SCLT1: variants seen among roughly 807,000 people sequenced by gnomAD.
The protein encoded by SCLT1 is sodium channel-associated protein 1.
A neutral mutation model predicts 112.8 loss-of-function variants in SCLT1; 78 were observed. The observed-to-expected ratio is 0.69, with a 90% CI of 0.58 to 0.83. The LOEUF (loss-of-function observed/expected upper bound fraction) is 0.83. SCLT1 is among the 40% of genes least tolerant of loss of function. The pLI is 0.00. For missense variants in SCLT1, 747 were observed against 770.4 expected (o/e 0.97, Z 0.36); for synonymous variants, 257 against 254.7 (o/e 1.01, Z -0.09).
At chr4:129,071,094 C>A (rs988060588) in intron 2 of SCLT1, among the ~76,000 whole-genome samples, 3 of 152,042 alleles carry the variant, frequency 2.0e-5, no homozygotes, top group Non-Finnish European at 4.4e-5. Flanking sequence ...TTTGAAGGTT[C>A]TTTTTGGAGT....
At chr4:128,918,756 G>T (rs943777912) in intron 18 of SCLT1, among the ~76,000 whole-genome samples, 2 of 151,962 alleles carry the variant, frequency 1.3e-5, no homozygotes, top group African/African-American at 4.8e-5. Flanking sequence ...ATGGAAAACA[G>T]AACAAAGCAG....
chr4:128,875,989 C>T (rs13110952), intron 4 of SCLT1, among the ~76,000 whole-genome samples: 28,551 of 152,014 alleles, frequency 0.19, 2,883 homozygotes, highest in Middle Eastern at 0.3. Context: ...CAGAACTGGG[C>T]CTACACTCTC....
intron 4 of SCLT1, 29 bp from the exon 5 acceptor site, chr4:129,039,125 A>T (rs1359100038): frequency 2.6e-6 from 4 of 1,515,466 alleles, no homozygotes; most frequent in Non-Finnish European, 3.7e-6. Flanking sequence ...GTGTGGCAAT[A>T]CATTTTGCAG....
intron 4 of SCLT1, among the ~76,000 whole-genome samples, chr4:128,876,176 T>TATC (rs1553954283): frequency 2.6e-5 from 4 of 152,222 alleles, no homozygotes; most frequent in Non-Finnish European, 5.9e-5. Flanking sequence ...ACAGGGTAGC[T>TATC]ATCTTAATCT....
At chr4:128,931,123 G>C (rs1457750377) in intron 18 of SCLT1, among the ~76,000 whole-genome samples, 3 of 151,872 alleles carry the variant, frequency 2.0e-5, no homozygotes, top group African/African-American at 4.8e-5. Flanking sequence ...CTGAGTGGTG[G>C]GGGGAGAGAG....
At chr4:129,031,882 G>C (rs1034356225) in intron 5 of SCLT1, among the ~76,000 whole-genome samples, 16 of 152,222 alleles carry the variant, frequency 1.1e-4, no homozygotes, top group African/African-American at 3.6e-4. Context: ...ATTGCCCAAA[G>C]TAATTTATAG....
chr4:128,916,159 C>T (rs955833620), intron 18 of SCLT1, among the ~76,000 whole-genome samples: 1 of 152,184 alleles, frequency 6.6e-6, no homozygotes, highest in African/African-American at 2.4e-5. Flanking sequence ...AAAAGATGGA[C>T]AGCCAAGATG....
chr4:128,964,112 C>G (rs1358412900), intron 11 of SCLT1, among the ~76,000 whole-genome samples: 1 of 152,172 alleles, frequency 6.6e-6, no homozygotes, highest in Admixed American at 6.5e-5. Flanking sequence ...TAAAAAAGTA[C>G]TGCATGGACC....
At chr4:129,016,896 GT>G (rs1745041581) in intron 5 of SCLT1, among the ~76,000 whole-genome samples, 1 of 152,054 alleles carries the variant, frequency 6.6e-6, no homozygotes, top group Non-Finnish European at 1.5e-5. Context: ...GAACTTTCTA[GT>G]TTTTCTCAGA....
Position 128,910,231 on chromosome 4 carries a change from A to G in SCLT1, c.1830-19094T>C, listed in dbSNP as rs957719273. Among the ~76,000 whole-genome samples the G allele has an allele frequency of 9.2e-5, 14 of 152,350 alleles. No individual in the cohort carries two copies. The East Asian group carries it at 1.7e-3, about 19-fold the overall frequency. ...CAGTTTACATTCCCACCTATACTGT[A>G]TGACAACTCCTGTTTCCCCATGTAT... On this transcript the variant is annotated intron_variant, in intron 18 of 20. Coordinates refer to ENST00000281142, the MANE Select transcript of SCLT1 (RefSeq NM_144643.4).
At chr4:128,940,944 C>G (rs905340764) in intron 17 of SCLT1, among the ~76,000 whole-genome samples, 5 of 151,930 alleles carry the variant, frequency 3.3e-5, no homozygotes, top group Admixed American at 6.6e-5. Flanking sequence ...TTTAGCTGCA[C>G]GTTCACTTAG....
intron 5 of SCLT1, among the ~76,000 whole-genome samples, chr4:129,030,781 G>C (rs1746640977): frequency 6.6e-6 from 1 of 152,098 alleles, no homozygotes; most frequent in Non-Finnish European, 1.5e-5. Context: ...TCCTTGAATA[G>C]ACCAAAAACA....
At chr4:129,023,759 G>C (rs987943139) in intron 5 of SCLT1, among the ~76,000 whole-genome samples, 2 of 152,202 alleles carry the variant, frequency 1.3e-5, no homozygotes, top group Non-Finnish European at 2.9e-5. Context: ...GGAAGCGCAA[G>C]GGGTCAGGGA....
At chr4:129,068,875 A>G (rs1750731274) in intron 2 of SCLT1, among the ~76,000 whole-genome samples, 1 of 152,122 alleles carries the variant, frequency 6.6e-6, no homozygotes, top group Non-Finnish European at 1.5e-5. Flanking sequence ...GGGTTGTTCC[A>G]ATGTTATCTT....
intron 20 of SCLT1, among the ~76,000 whole-genome samples, 166 bp from the exon 21 acceptor site, chr4:128,884,705 G>A (rs1278304498): frequency 2.6e-5 from 4 of 152,168 alleles, no homozygotes; most frequent in Non-Finnish European, 4.4e-5. Context: ...CTGTTGCCCA[G>A]GCTGGAGTAC....
At chr4:129,038,637 A>G (rs918710004) in intron 5 of SCLT1, among the ~76,000 whole-genome samples, 3 of 152,220 alleles carry the variant, frequency 2.0e-5, no homozygotes, top group African/African-American at 7.2e-5. Context: ...AGCACTGGCA[A>G]CATTTTAACA....
intron 2 of SCLT1, among the ~76,000 whole-genome samples, chr4:129,046,910 A>G (rs1320747400): frequency 6.6e-6 from 1 of 152,146 alleles, no homozygotes; most frequent in Non-Finnish European, 1.5e-5. Flanking sequence ...TAAATAATGA[A>G]GTTGAACAGT....
chr4:129,024,141 C>T (rs528274566), intron 5 of SCLT1, among the ~76,000 whole-genome samples: 4 of 152,326 alleles, frequency 2.6e-5, no homozygotes, highest in Admixed American at 2.6e-4. Context: ...ACAGCAGTAA[C>T]CTCTGCAGAC....
chr4:128,998,653 A>G (rs1358454040), intron 7 of SCLT1, among the ~76,000 whole-genome samples: 2 of 151,882 alleles, frequency 1.3e-5, no homozygotes, highest in Non-Finnish European at 3.0e-5. Flanking sequence ...ACAGTCCTCA[A>G]AGAACTTAAT....
Sources: gnomAD v4.1 joint callset for allele counts (sites outside exome capture counted in the v4.1 genomes callset) on GRCh38, gnomAD v4.1.1 for gene constraint, MANE v1.5 for transcripts, NCBI Gene and HGNC (gene_info 2026-07-23, HGNC 2026-07-21) for gene names.